NTM: variants seen among roughly 807,000 people sequenced by gnomAD.
NTM encodes IgLON family member 2.
NTM carries 13 observed loss-of-function variants against 42.1 expected under a neutral mutation model. The ratio of observed to expected loss-of-function variants is 0.31; its 90% confidence interval spans 0.20 to 0.49. The LOEUF is 0.49. NTM is among the 20% of genes least tolerant of loss of function. The probability of loss-of-function intolerance (pLI) is 0.99; values close to 1 mark genes in which losing one functional copy is unlikely to be tolerated. For missense variants in NTM, 373 were observed against 452.8 expected, an observed-to-expected ratio of 0.82 and a Z score of 1.60; for synonymous variants, 187 against 179.2, an observed-to-expected ratio of 1.04 and a Z score of -0.35.
intron 1 of NTM, among the ~76,000 whole-genome samples, chr11:131,575,482 A>G (rs1332369792): frequency 6.6e-6 from 1 of 151,976 alleles, no homozygotes; most frequent in African/African-American, 2.4e-5. Context: ...CCAATAGGAC[A>G]TCTAAGGAAA....
At chr11:132,312,287 T>C (rs1170920478) in intron 6 of NTM, 1 of 147,662 alleles carries the variant, frequency 6.8e-6, no homozygotes, top group Non-Finnish European at 1.5e-5. Context: ...AAGGAAACTG[T>C]GTGGTGAGGA....
intron 1 of NTM, among the ~76,000 whole-genome samples, chr11:131,393,254 C>A (rs930628654): frequency 6.6e-6 from 1 of 152,150 alleles, no homozygotes; most frequent in Admixed American, 6.5e-5. Flanking sequence ...CCAGTCCTTG[C>A]CAAAAGAAAG....
chr11:131,393,097 C>G (rs1039063383), intron 1 of NTM, among the ~76,000 whole-genome samples: 2 of 152,180 alleles, frequency 1.3e-5, no homozygotes, highest in African/African-American at 4.8e-5. Flanking sequence ...CTTATTCAGA[C>G]GGGCTCTCTC....
At chr11:131,797,888 G>A (rs2091744979) in intron 1 of NTM, among the ~76,000 whole-genome samples, 1 of 152,044 alleles carries the variant, frequency 6.6e-6, no homozygotes, top group Non-Finnish European at 1.5e-5. Context: ...CAAATTTTAA[G>A]CAGTCATAAA....
chr11:131,386,700 A>G (rs748149602), intron 1 of NTM, among the ~76,000 whole-genome samples: 4 of 152,248 alleles, frequency 2.6e-5, no homozygotes, highest in Non-Finnish European at 5.9e-5. Context: ...TTTTTCCAAG[A>G]GAGCAAAAAG....
intron 2 of NTM, among the ~76,000 whole-genome samples, chr11:132,023,601 A>G (rs183724135): frequency 1.3e-5 from 2 of 152,294 alleles, no homozygotes; most frequent in East Asian, 3.9e-4. Flanking sequence ...CTTCTCACCA[A>G]GAGCACCCCT....
chr11:132,223,529 G>A (rs990470494), intron 4 of NTM, among the ~76,000 whole-genome samples: 8 of 152,212 alleles, frequency 5.3e-5, no homozygotes, highest in Non-Finnish European at 8.8e-5. Context: ...CATCAACATA[G>A]CCACATGGTG....
chr11:131,695,355 G>T (rs1301234723), intron 1 of NTM, among the ~76,000 whole-genome samples: 1 of 152,154 alleles, frequency 6.6e-6, no homozygotes, highest in Non-Finnish European at 1.5e-5. Flanking sequence ...GACTGGGCTA[G>T]CTCAGAAAGG....
chr11:132,054,996 G>A (rs1346009935), intron 2 of NTM, among the ~76,000 whole-genome samples: 3 of 152,220 alleles, frequency 2.0e-5, no homozygotes, highest in African/African-American at 7.2e-5. Flanking sequence ...AGGGCTTGGT[G>A]TGAGGTTGCA....
chr11:131,389,655 G>A (rs1347334121), intron 1 of NTM, among the ~76,000 whole-genome samples: 2 of 152,184 alleles, frequency 1.3e-5, no homozygotes, highest in African/African-American at 4.8e-5. Flanking sequence ...AGGGCTTCGT[G>A]AGAAGCTTAT....
chr11:131,409,820 T>G (rs187168640), intron 1 of NTM, among the ~76,000 whole-genome samples: 90 of 152,316 alleles, frequency 5.9e-4, no homozygotes, highest in African/African-American at 2.1e-3. Context: ...AACACACATC[T>G]CCTTGGGCTT....
At chr11:131,711,211 A>C (rs956308933) in intron 1 of NTM, among the ~76,000 whole-genome samples, 3 of 152,226 alleles carry the variant, frequency 2.0e-5, no homozygotes, top group Admixed American at 6.5e-5. Flanking sequence ...AAATCGGAGA[A>C]AATTTTTGCA....
At chr11:131,504,051 G>C (rs956436040) in intron 1 of NTM, among the ~76,000 whole-genome samples, 2 of 152,148 alleles carry the variant, frequency 1.3e-5, no homozygotes, top group Non-Finnish European at 2.9e-5. Flanking sequence ...TGATCCAGCT[G>C]TCTCTGACCC....
At chr11:131,808,603 G>C (rs1221313812) in intron 1 of NTM, among the ~76,000 whole-genome samples, 1 of 152,216 alleles carries the variant, frequency 6.6e-6, no homozygotes, top group Non-Finnish European at 1.5e-5. Context: ...CAGTGGACCA[G>C]GTGTTGGTCC....
chr11:131,787,957 T>G (rs1347587230), intron 1 of NTM, among the ~76,000 whole-genome samples: 1 of 152,234 alleles, frequency 6.6e-6, no homozygotes, highest in Admixed American at 6.5e-5. Context: ...CTTCAATCTG[T>G]CTGGACTCAG....
chr11:131,835,017 A>G (rs952211552), intron 1 of NTM, among the ~76,000 whole-genome samples: 3 of 152,136 alleles, frequency 2.0e-5, no homozygotes, highest in African/African-American at 4.8e-5. Flanking sequence ...TGTGTTCAGT[A>G]TTGTTCTCAA....
rs2084789389 is a variant in NTM, at chr11:132,219,901, A to G, written c.526+7754A>G. Among the ~76,000 whole-genome samples the G allele has an allele frequency of 1.3e-5, 2 of 152,220 alleles. 1 individual carries two copies. The highest frequency in any genetic ancestry group is 4.1e-4 in the South Asian group (2 of 4,832). ...TTTTCTGAAAAGATTGAATCTTTAT[A>G]AAAGCTCAACTCAGTCCATTGCCAA... is the stretch of plus-strand genomic sequence containing the variant. On this transcript the variant is annotated intron_variant, in intron 4 of 8. Transcript: ENST00000683400.
chr11:131,766,929 T>C (rs2085209785), intron 1 of NTM, among the ~76,000 whole-genome samples: 1 of 152,166 alleles, frequency 6.6e-6, no homozygotes, highest in Non-Finnish European at 1.5e-5. Context: ...ACTAGGATAT[T>C]TCCCGTCCTT....
intron 1 of NTM, among the ~76,000 whole-genome samples, chr11:131,839,722 TG>T (rs1272861136): frequency 1.1e-4 from 17 of 152,358 alleles, no homozygotes; most frequent in African/African-American, 3.8e-4. Flanking sequence ...TTTGCTGCTA[TG>T]TTGAAACTAG....
Sources: gnomAD v4.1 joint callset for allele counts (sites outside exome capture counted in the v4.1 genomes callset) on GRCh38, gnomAD v4.1.1 for gene constraint, MANE v1.5 for transcripts, NCBI Gene and HGNC (gene_info 2026-07-23, HGNC 2026-07-21) for gene names.